The following SEMA3A variants were observed in gnomAD, a reference collection of about 807,000 sequenced individuals.
SEMA3A encodes the protein semaphorin-3A.
A neutral mutation model predicts 97.9 loss-of-function variants in SEMA3A; 29 were observed. The ratio of observed to expected loss-of-function variants is 0.30; its 90% CI spans 0.22 to 0.40. SEMA3A has a LOEUF of 0.40. SEMA3A is among the 10% of genes least tolerant of loss of function. SEMA3A has a pLI of 1.00. For missense variants in SEMA3A, 763 were observed against 951.3 expected, an observed-to-expected ratio of 0.80 and a Z score of 2.60; for synonymous variants, 321 against 323.7, an observed-to-expected ratio of 0.99 and a Z score of 0.09.
chr7:84,217,919 A>G (rs1798787778), intron 3 of SEMA3A, among the ~76,000 whole-genome samples: 1 of 152,096 alleles, frequency 6.6e-6, no homozygotes. Flanking sequence ...CATCTCTACA[A>G]AAAATTTAAA....
intron 4 of SEMA3A, among the ~76,000 whole-genome samples, chr7:84,068,772 T>G (rs1793636111): frequency 6.6e-6 from 1 of 152,126 alleles, no homozygotes. Flanking sequence ...ATGCAGTATT[T>G]GATTTACAAG....
At chr7:84,065,403 A>G in intron 4 of SEMA3A, among the ~76,000 whole-genome samples, 1 of 149,708 alleles carries the variant, frequency 6.7e-6, no homozygotes, top group African/African-American at 2.5e-5. Flanking sequence ...AGCAGAAGGC[A>G]AGAAATAACT....
rs377528642 is a variant in SEMA3A, at chr7:84,240,186, G to A, written c.-82-45518C>T. On this transcript the variant is annotated intron_variant, in intron 3 of 3. Coordinates refer to the SEMA3A transcript ENST00000424555. ...AAGATGGGAGAGAGATTTATAAGAA[G>A]TCTTAAAAATACATAAGCAAATATT... is the stretch of plus-strand genomic sequence containing the variant. Among the ~76,000 whole-genome samples, 8 of 152,162 alleles carry A rather than the reference G, an allele frequency of 5.3e-5. No individual in the cohort carries two copies. The East Asian group carries it at 7.7e-4, about 15-fold the overall frequency.
chr7:84,433,566 A>T (rs2116324234), intron 1 of SEMA3A, among the ~76,000 whole-genome samples: 1 of 152,226 alleles, frequency 6.6e-6, no homozygotes, highest in South Asian at 2.1e-4. Flanking sequence ...TAGTAGAATG[A>T]TTTATAATGC....
chr7:84,058,184 G>A (rs1252436905), intron 5 of SEMA3A, among the ~76,000 whole-genome samples: 1 of 152,144 alleles, frequency 6.6e-6, no homozygotes, highest in Non-Finnish European at 1.5e-5. Context: ...TATTGGGGAA[G>A]GAAGAAGCCT....
At chr7:84,098,133 A>G (rs1794833721) in intron 4 of SEMA3A, among the ~76,000 whole-genome samples, 6 of 152,076 alleles carry the variant, frequency 3.9e-5, no homozygotes, top group Admixed American at 3.9e-4. Flanking sequence ...TTAGAGTATA[A>G]TTGGTTGATA....
rs181725388 is a variant in SEMA3A at position 84,415,276 on chromosome 7, A to G, written c.-245-43376T>C. The stretch of plus-strand genomic sequence containing the variant: ...AAATTTCATAAATCTGTTATAAAAT[A>G]CATCAGTCAATAGAAAATTTACCAA... On this transcript the variant is annotated intron_variant, in intron 1 of 3. Coordinates refer to the SEMA3A transcript ENST00000424555. 1.7e-3 allele frequency among the ~76,000 whole-genome samples: 254 copies of G among 152,260 alleles called. 2 individuals carry two copies. The highest frequency in any genetic ancestry group is 5.7e-3 in the African/African-American group (239 of 41,580).
chr7:84,374,521 A>G (rs1187652825), intron 1 of SEMA3A, among the ~76,000 whole-genome samples: 2 of 152,248 alleles, frequency 1.3e-5, no homozygotes, highest in African/African-American at 4.8e-5. Context: ...GACAATGACC[A>G]TCTAGTTTAA....
At chr7:84,122,928 C>T (rs908251169) in intron 3 of SEMA3A, among the ~76,000 whole-genome samples, 18 of 152,118 alleles carry the variant, frequency 1.2e-4, no homozygotes, top group African/African-American at 4.3e-4. Context: ...AGTTCAGGTG[C>T]ATGATACAAC....
intron 3 of SEMA3A, among the ~76,000 whole-genome samples, chr7:84,115,930 T>C (rs1012549665): frequency 1.3e-5 from 2 of 152,208 alleles, no homozygotes; most frequent in Admixed American, 6.5e-5. Context: ...AAGGAATTTA[T>C]TGTGGACAAA....
intron 4 of SEMA3A, among the ~76,000 whole-genome samples, chr7:84,062,140 T>C (rs1167300428): frequency 1.3e-5 from 2 of 152,230 alleles, no homozygotes; most frequent in East Asian, 1.9e-4. Flanking sequence ...TTCTATTAAT[T>C]ATGTTAGTAT....
intron 1 of SEMA3A, among the ~76,000 whole-genome samples, chr7:84,144,500 G>A (rs17158671): frequency 0.22 from 34,035 of 151,980 alleles, 3,930 homozygotes; most frequent in South Asian, 0.27. Flanking sequence ...TCTACAGATC[G>A]AAAAGTCTCT....
chr7:84,310,538 C>T (rs530382573), intron 2 of SEMA3A, among the ~76,000 whole-genome samples: 17 of 152,090 alleles, frequency 1.1e-4, no homozygotes, highest in African/African-American at 4.1e-4. Flanking sequence ...GATGATAATT[C>T]TTTATCTTAT....
chr7:84,031,382 TC>T (rs1410815733), intron 6 of SEMA3A, among the ~76,000 whole-genome samples: 1 of 152,142 alleles, frequency 6.6e-6, no homozygotes, highest in Non-Finnish European at 1.5e-5. Flanking sequence ...CTAAAATGCT[TC>T]TTAAAGGTTT....
At chr7:83,967,753 T>G (rs1788760164) in intron 15 of SEMA3A, among the ~76,000 whole-genome samples, 1 of 152,078 alleles carries the variant, frequency 6.6e-6, no homozygotes, top group South Asian at 2.1e-4. Flanking sequence ...AGACTCAGTC[T>G]CAAAACAAAC....
At chr7:84,486,669 G>C (rs969285209) in intron 1 of SEMA3A, among the ~76,000 whole-genome samples, 1 of 152,160 alleles carries the variant, frequency 6.6e-6, no homozygotes, top group African/African-American at 2.4e-5. Context: ...TTGTCACAAA[G>C]AGGACCTGAG....
chr7:84,407,797 G>C (rs1804142532), intron 1 of SEMA3A, among the ~76,000 whole-genome samples: 2 of 152,162 alleles, frequency 1.3e-5, no homozygotes, highest in Non-Finnish European at 2.9e-5. Flanking sequence ...ATGGGGAAGG[G>C]ATTCCCTATT....
intron 3 of SEMA3A, among the ~76,000 whole-genome samples, chr7:84,203,335 C>G (rs751736030): frequency 4.7e-5 from 7 of 149,210 alleles, no homozygotes; most frequent in Non-Finnish European, 8.9e-5. Flanking sequence ...CTTTTTTTTT[C>G]TTATTTTATT....
chr7:84,394,895 G>C (rs1223042974), intron 1 of SEMA3A, among the ~76,000 whole-genome samples: 1 of 152,144 alleles, frequency 6.6e-6, no homozygotes, highest in Non-Finnish European at 1.5e-5. Flanking sequence ...AACAGTGAAA[G>C]TGCAATCTAG....
Sources: gnomAD v4.1 joint callset for allele counts (sites outside exome capture counted in the v4.1 genomes callset) on GRCh38, gnomAD v4.1.1 for gene constraint, MANE v1.5 for transcripts, NCBI Gene and HGNC (gene_info 2026-07-23, HGNC 2026-07-21) for gene names.